The following TRAPPC9 variants were observed in gnomAD, a reference collection of about 807,000 sequenced individuals.
TRAPPC9 encodes the protein IKK2 binding protein.
A neutral mutation model predicts 124.0 loss-of-function variants in TRAPPC9; 83 were observed. That is an observed-to-expected ratio of 0.67 (90% CI 0.56 to 0.80). The LOEUF is 0.80. TRAPPC9 is among the 30% of genes least tolerant of loss of function. The pLI is 0.00. For missense variants in TRAPPC9, 1,302 were observed against 1,508.3 expected, an observed-to-expected ratio of 0.86 and a Z score of 2.27; for synonymous variants, 638 against 617.5, an observed-to-expected ratio of 1.03 and a Z score of -0.49.
chr8:139,965,965 G>A (rs1364387711), intron 19 of TRAPPC9, among the ~76,000 whole-genome samples: 1 of 152,258 alleles, frequency 6.6e-6, no homozygotes, highest in African/African-American at 2.4e-5. Context: ...CACAGCACCA[G>A]GCCTGTCTGC....
chr8:140,090,550 G>C (rs1004660842), intron 17 of TRAPPC9, among the ~76,000 whole-genome samples: 6 of 152,204 alleles, frequency 3.9e-5, no homozygotes, highest in South Asian at 4.1e-4. Flanking sequence ...CAGGTCACCC[G>C]GGAGACCAGG....
chr8:140,357,894 G>A (rs74954940), intron 9 of TRAPPC9, among the ~76,000 whole-genome samples: 6,530 of 152,210 alleles, frequency 0.043, 280 homozygotes, highest in African/African-American at 0.11. Context: ...CCCAATACAC[G>A]CAGAAAAGGA....
intron 21 of TRAPPC9, among the ~76,000 whole-genome samples, chr8:139,835,513 T>G (rs1001510129): frequency 4.6e-5 from 7 of 152,228 alleles, no homozygotes; most frequent in Admixed American, 4.6e-4. Flanking sequence ...TATCTATTCA[T>G]CTAGGTATCT....
rs1175564808 is a variant in TRAPPC9, at chr8:140,002,835, T to A, written c.2700-13999A>T. ...ACAAATAGTGTTGGGACAACTGGAT[T>A]CCACTTATCAAAAAAAAAAAAAAAA... On this transcript the variant is annotated intron_variant, in intron 18 of 22. Transcript: ENST00000438773. Among the ~76,000 whole-genome samples the A allele has an allele frequency of 5.3e-5, 6 of 114,244 alleles. No individual in the cohort carries two copies. The Admixed American group carries it at 6.3e-4, about 12-fold the overall frequency. The allele number at this position is 114,244 out of a possible 152,430, so 74.9% of individuals were successfully genotyped here.
At chr8:140,277,543 G>GAAACA (rs1207898641) in intron 14 of TRAPPC9, among the ~76,000 whole-genome samples, 3 of 152,228 alleles carry the variant, frequency 2.0e-5, no homozygotes, top group African/African-American at 4.8e-5. Context: ...ACAGGATTTT[G>GAAACA]AAACAAAACA....
intron 17 of TRAPPC9, among the ~76,000 whole-genome samples, chr8:140,130,232 G>A (rs191901182): frequency 1.4e-4 from 21 of 151,324 alleles, no homozygotes; most frequent in Admixed American, 1.2e-3. Context: ...TGCACAGACC[G>A]GAAGGCTGAT....
At chr8:140,261,812 G>A (rs1196243734) in intron 15 of TRAPPC9, among the ~76,000 whole-genome samples, 2 of 152,176 alleles carry the variant, frequency 1.3e-5, no homozygotes, top group East Asian at 1.9e-4. Context: ...GCTGCAGGAT[G>A]CGTCAGACAC....
intron 6 of TRAPPC9, among the ~76,000 whole-genome samples, chr8:140,402,203 C>CAAATAAA (rs1295906478): frequency 2.6e-5 from 4 of 151,104 alleles, no homozygotes; most frequent in Non-Finnish European, 5.9e-5. Context: ...CCTGTCATTA[C>CAAATAAA]AAATAAAAAA....
intron 9 of TRAPPC9, among the ~76,000 whole-genome samples, chr8:140,315,705 T>C (rs1448899095): frequency 1.3e-5 from 2 of 152,306 alleles, no homozygotes; most frequent in East Asian, 3.9e-4. Context: ...AAATTATATC[T>C]TTTTCTGAAC....
intron 21 of TRAPPC9, among the ~76,000 whole-genome samples, chr8:139,822,127 C>A (rs1229901967): frequency 6.6e-6 from 1 of 152,172 alleles, no homozygotes; most frequent in Non-Finnish European, 1.5e-5. Context: ...CAATTAAAAA[C>A]CCATTACCTG....
chr8:139,789,953 G>A (rs147547557), intron 21 of TRAPPC9, among the ~76,000 whole-genome samples: 21 of 152,160 alleles, frequency 1.4e-4, no homozygotes, highest in African/African-American at 4.3e-4. Flanking sequence ...GTCCCGGTGC[G>A]TCCCTCCCGA....
chr8:140,224,935 G>A (rs1313061596), intron 16 of TRAPPC9, among the ~76,000 whole-genome samples: 1 of 152,192 alleles, frequency 6.6e-6, no homozygotes, highest in Non-Finnish European at 1.5e-5. Context: ...GGGCTGAGGT[G>A]CGGCTCCCCT....
At chr8:139,958,488 G>A (rs1004849431) in intron 19 of TRAPPC9, among the ~76,000 whole-genome samples, 1 of 152,196 alleles carries the variant, frequency 6.6e-6, no homozygotes, top group Non-Finnish European at 1.5e-5. Flanking sequence ...GTCTGTGCCT[G>A]CTCTGCAGGC....
At chr8:139,799,120 C>G (rs1423223255) in intron 21 of TRAPPC9, among the ~76,000 whole-genome samples, 1 of 152,154 alleles carries the variant, frequency 6.6e-6, no homozygotes, top group Non-Finnish European at 1.5e-5. Flanking sequence ...TTTGTAATCC[C>G]TAATGCTGGA....
chr8:139,850,160 CAT>C (rs1312607946), intron 21 of TRAPPC9, among the ~76,000 whole-genome samples: 4 of 152,244 alleles, frequency 2.6e-5, no homozygotes, highest in African/African-American at 7.2e-5. Context: ...TCACCTCATA[CAT>C]ATGACAAATG....
chr8:139,986,999 T>C (rs1837275861), intron 19 of TRAPPC9, among the ~76,000 whole-genome samples: 3 of 152,224 alleles, frequency 2.0e-5, no homozygotes. Context: ...CAGCATTTCG[T>C]ATCAATGGAA....
intron 4 of TRAPPC9, 64 bp from the exon 5 acceptor site, chr8:140,426,705 C>T: frequency 6.8e-7 from 1 of 1,479,238 alleles, no homozygotes; most frequent in South Asian, 1.1e-5. Context: ...AAAATAACTA[C>T]TAAAACACAT....
intron 17 of TRAPPC9, among the ~76,000 whole-genome samples, chr8:140,062,918 C>T (rs893540846): frequency 6.6e-6 from 1 of 152,140 alleles, no homozygotes; most frequent in Non-Finnish European, 1.5e-5. Flanking sequence ...AAGAACTTTC[C>T]AAGACTGGGT....
intron 9 of TRAPPC9, among the ~76,000 whole-genome samples, chr8:140,311,874 C>T (rs1198052607): frequency 7.1e-6 from 1 of 140,934 alleles, no homozygotes; most frequent in Non-Finnish European, 1.5e-5. Context: ...TGTTGTTCAC[C>T]ATCCTGCCCC....
Sources: gnomAD v4.1 joint callset for allele counts (sites outside exome capture counted in the v4.1 genomes callset) on GRCh38, gnomAD v4.1.1 for gene constraint, MANE v1.5 for transcripts, NCBI Gene and HGNC (gene_info 2026-07-23, HGNC 2026-07-21) for gene names.